Variants in FRMD4B observed in about 807,000 individuals in gnomAD.
The protein encoded by FRMD4B is FERM domain-containing protein 4B.
In FRMD4B, 74 loss-of-function variants were observed where a neutral mutation model predicts 141.5. That is an observed-to-expected ratio of 0.52 (90% CI 0.43 to 0.63). The LOEUF is 0.63. FRMD4B is among the 30% of genes least tolerant of loss of function. FRMD4B has a pLI of 0.00. For missense variants in FRMD4B, 1,366 were observed against 1,253.4 expected (o/e 1.09, Z -1.36); for synonymous variants, 506 against 467.9 (o/e 1.08, Z -1.05).
At chr3:69,227,704 A>C (rs549696003) in intron 7 of FRMD4B, among the ~76,000 whole-genome samples, 1 of 152,006 alleles carries the variant, frequency 6.6e-6, no homozygotes, top group South Asian at 2.1e-4. Context: ...AGAAAGAAAA[A>C]AGTATTCTTA....
intron 1 of FRMD4B, 97 bp from the exon 2 acceptor site, chr3:69,313,614 G>C: frequency 1.4e-6 from 1 of 730,678 alleles, no homozygotes; most frequent in African/African-American, 1.8e-5. Context: ...GATGGGCTCA[G>C]CCTAAAAATG....
chr3:69,201,866 A>G (rs2092971065), intron 11 of FRMD4B, among the ~76,000 whole-genome samples: 1 of 152,090 alleles, frequency 6.6e-6, no homozygotes, highest in South Asian at 2.1e-4. Flanking sequence ...ATCTTAGAAG[A>G]TAAATAAAAG....
chr3:69,536,547 G>T, intron 1 of FRMD4B: 1 of 703,488 alleles, frequency 1.4e-6, no homozygotes, highest in South Asian at 1.5e-5. Context: ...TGGGGAATAG[G>T]GGGGATGGTG....
intron 1 of FRMD4B, among the ~76,000 whole-genome samples, chr3:69,475,541 A>C (rs1279267097): frequency 2.0e-5 from 3 of 151,996 alleles, no homozygotes; most frequent in African/African-American, 7.3e-5. Context: ...TGAACTCATC[A>C]TTTTTTATGG....
At chr3:69,351,850 C>G (rs564700383) in intron 1 of FRMD4B, among the ~76,000 whole-genome samples, 8 of 152,310 alleles carry the variant, frequency 5.3e-5, no homozygotes, top group African/African-American at 1.9e-4. Flanking sequence ...AAGTGACTTA[C>G]AAGGTTTCTT....
chr3:69,355,553 A>G (rs1421109452), intron 1 of FRMD4B, among the ~76,000 whole-genome samples: 1 of 152,182 alleles, frequency 6.6e-6, no homozygotes, highest in Admixed American at 6.5e-5. Flanking sequence ...GTTGAAGGAC[A>G]ATCGGAATGT....
chr3:69,430,298 C>T (rs1705157980), intron 2 of FRMD4B, among the ~76,000 whole-genome samples: 2 of 152,148 alleles, frequency 1.3e-5, no homozygotes, highest in Admixed American at 6.5e-5. Context: ...AAGGGTAAAA[C>T]GTACTGCCAC....
chr3:69,299,957 G>A (rs540588945), intron 4 of FRMD4B, among the ~76,000 whole-genome samples: 27 of 152,186 alleles, frequency 1.8e-4, no homozygotes, highest in African/African-American at 5.8e-4. Flanking sequence ...TAAAATGAGC[G>A]AACATCAAGA....
chr3:69,470,513 C>T (rs918239596), intron 1 of FRMD4B, among the ~76,000 whole-genome samples: 1 of 151,788 alleles, frequency 6.6e-6, no homozygotes, highest in Non-Finnish European at 1.5e-5. Context: ...GTCCAAAGAA[C>T]AAAGAGGGTT....
chr3:69,325,085 A>AAAAGAAAGAAAGAAAGAAAGAAAGAAAG (rs1553724230), intron 1 of FRMD4B, among the ~76,000 whole-genome samples: 6 of 80,004 alleles, frequency 7.5e-5, no homozygotes, highest in African/African-American at 9.3e-5. Context: ...TAAAAAAAAA[A>AAAAGAAAGAAAGAAAGAAAGAAAGAAAG]AAAGAAAGAA....
intron 1 of FRMD4B, among the ~76,000 whole-genome samples, chr3:69,532,299 T>G (rs1701019123): frequency 6.6e-6 from 1 of 152,236 alleles, no homozygotes. Flanking sequence ...CCACTTTTAC[T>G]GCATGACAAA....
At chr3:69,495,821 T>G (rs555787304) in intron 1 of FRMD4B, among the ~76,000 whole-genome samples, 110 of 152,222 alleles carry the variant, frequency 7.2e-4, no homozygotes, top group Admixed American at 1.4e-3. Context: ...ATTTTATTGT[T>G]GTTTGACTAC....
At chr3:69,376,168 T>G (rs1703966268) in intron 1 of FRMD4B, among the ~76,000 whole-genome samples, 1 of 151,998 alleles carries the variant, frequency 6.6e-6, no homozygotes, top group Non-Finnish European at 1.5e-5. Flanking sequence ...AATAAAAAAC[T>G]TCAGGGCAGG....
At chr3:69,186,990 A>G (rs1029109132) in intron 19 of FRMD4B, among the ~76,000 whole-genome samples, 3 of 152,104 alleles carry the variant, frequency 2.0e-5, no homozygotes, top group Admixed American at 6.6e-5. Flanking sequence ...TTTACCTGAG[A>G]TATTTGAGAA....
chr3:69,378,362 A>G (rs1432112090), intron 1 of FRMD4B, among the ~76,000 whole-genome samples: 3 of 152,182 alleles, frequency 2.0e-5, no homozygotes, highest in Non-Finnish European at 4.4e-5. Flanking sequence ...AACTGCTAGG[A>G]CCAGACTCTG....
At chr3:69,404,693 T>G (rs1704621858) in intron 2 of FRMD4B, among the ~76,000 whole-genome samples, 1 of 151,996 alleles carries the variant, frequency 6.6e-6, no homozygotes, top group African/African-American at 2.4e-5. Context: ...TGGGCATAAA[T>G]GAAGTAGGTC....
chr3:69,489,781 G>C (rs1706273577), intron 1 of FRMD4B, among the ~76,000 whole-genome samples: 1 of 152,188 alleles, frequency 6.6e-6, no homozygotes, highest in African/African-American at 2.4e-5. Flanking sequence ...TATGCACACA[G>C]ATGTTCACAG....
At chr3:69,325,415 C>T (rs1702159768) in intron 1 of FRMD4B, among the ~76,000 whole-genome samples, 1 of 152,084 alleles carries the variant, frequency 6.6e-6, no homozygotes, top group African/African-American at 2.4e-5. Flanking sequence ...CTAGCCTGAT[C>T]TGATAAGTCT....
chr3:69,282,724 G>A (rs2093649741), intron 5 of FRMD4B, among the ~76,000 whole-genome samples: 1 of 152,086 alleles, frequency 6.6e-6, no homozygotes, highest in African/African-American at 2.4e-5. Context: ...TGCAACCTCT[G>A]CCTTCCAGGT....
Sources: allele counts gnomAD v4.1 joint callset (sites outside exome capture counted in the v4.1 genomes callset), GRCh38; gene constraint gnomAD v4.1.1; transcripts MANE v1.5; gene names NCBI Gene and HGNC (gene_info 2026-07-23, HGNC 2026-07-21).